The following CTSO variants were observed in gnomAD, a reference collection of about 807,000 sequenced individuals.
CTSO encodes cathepsin O.
Under a neutral mutation model 42.4 loss-of-function variants are expected in CTSO, and 40 were observed. The observed-to-expected ratio is 0.94, with a 90% confidence interval of 0.73 to 1.23. The LOEUF (loss-of-function observed/expected upper bound fraction) is 1.23. CTSO is among the 50% of genes most tolerant of loss of function. The pLI is 0.00. For synonymous variants in CTSO, 156 were observed against 146.2 expected (o/e 1.07, Z -0.48); for missense variants, 441 against 396.0 (o/e 1.11, Z -0.96).
At chr4:155,926,097 T>C in intron 7 of CTSO, 27 bp from the exon 8 acceptor site, 2 of 1,505,628 alleles carry the variant, frequency 1.3e-6, no homozygotes, top group Non-Finnish European at 1.8e-6. Flanking sequence ...GAATTATTAG[T>C]CTATTTCCTC....
intron 5 of CTSO, among the ~76,000 whole-genome samples, chr4:155,935,853 G>T (rs919623982): frequency 6.6e-6 from 1 of 152,164 alleles, no homozygotes; most frequent in Admixed American, 6.6e-5. Context: ...CACTGTTAGA[G>T]TTTAATCTTC....
intron 5 of CTSO, 56 bp downstream of exon 5, chr4:155,937,306 A>G (rs961278758): frequency 1.9e-4 from 276 of 1,421,016 alleles, no homozygotes; most frequent in Non-Finnish European, 2.6e-4. Flanking sequence ...TTAACCAGTC[A>G]ATAGATCATA....
chr4:155,945,265 A>C (rs767683943), intron 1 of CTSO, among the ~76,000 whole-genome samples: 37 of 152,050 alleles, frequency 2.4e-4, no homozygotes, highest in Admixed American at 5.2e-4. Flanking sequence ...TCAAAAAAAT[A>C]AATAAATAAA....
rs1348631778 is a variant in CTSO at position 155,928,446 on chromosome 4, T to C, written c.839-18A>G. 1.3e-6 allele frequency: 2 copies of C among 1,547,922 alleles called. No individual in the cohort carries two copies. Among genetic ancestry groups the C allele is most frequent in the East Asian group, 2.3e-5 (1 of 43,800 alleles). On this transcript the variant is annotated intron_variant, in intron 6 of 7. Transcript: ENST00000433477. ...AGTGCTTCCTACAGTGAAACATAAA[T>C]AGTAACAAATCCTGAAAACTCAAAT...
chr4:155,950,939 T>C (rs1283795612), intron 1 of CTSO, among the ~76,000 whole-genome samples: 1 of 149,174 alleles, frequency 6.7e-6, no homozygotes, highest in Non-Finnish European at 1.5e-5. Flanking sequence ...AGGTAGAAAA[T>C]AGGTTTTAAA....
rs1317799331 is a variant in CTSO, at chr4:155,925,346, C to T, written c.*690G>A. On this transcript the variant is annotated 3_prime_UTR_variant, in exon 8 of 8. Coordinates refer to ENST00000433477, the MANE Select transcript of CTSO (RefSeq NM_001334.3). Reference sequence around the variant, plus strand: ...CCTATTCACAATGAAAATTATCAAACAATAATTTGTCTCTCAGGCAATGCT... The same window carrying T: ...CCTATTCACAATGAAAATTATCAAATAATAATTTGTCTCTCAGGCAATGCT... 6.6e-6 allele frequency: 1 copy of T among 152,084 alleles called. No individual in the cohort carries two copies. The highest frequency in any genetic ancestry group is 1.5e-5 in the Non-Finnish European group (1 of 68,000). 9.4% of individuals were successfully genotyped at this position (152,084 alleles called of 1,614,324 possible). A position where few individuals can be genotyped will look rare whatever the true frequency, so the allele number is the denominator to read the frequency against.
At position 155,942,419 on chromosome 4, in the gene CTSO, T is replaced by G. The variant is rs139102003; in HGVS notation, c.282A>C (p.Arg94Ser). The G allele has an allele frequency of 6.4e-7, 1 of 1,565,944 alleles. No individual in the cohort carries two copies. The highest frequency in any genetic ancestry group is 1.9e-5 in the Admixed American group (1 of 53,688). The change falls in exon 3 of 8, where the codon AGA becomes AGC. Residue 94 changes from arginine to serine, a missense_variant. By Grantham distance (110) the Arg-to-Ser change is moderately radical (BLOSUM62 -1). Transcript: ENST00000433477. The part of the protein sequence containing the change: ...YLRSKPSKFP[R>S]YSAEVHMSIP... ...TGGACATATGTACTTCTGCTGAGTA[T>G]CTGGGAAACTTGGAAGGTTTGCTTC...
chr4:155,953,190 G>T (rs923926462), intron 1 of CTSO, among the ~76,000 whole-genome samples: 1 of 151,990 alleles, frequency 6.6e-6, no homozygotes, highest in African/African-American at 2.4e-5. Flanking sequence ...TTAGTTTAAG[G>T]AGAATCATAA....
chr4:155,948,993 A>G (rs1384205551), intron 1 of CTSO, among the ~76,000 whole-genome samples: 1 of 152,212 alleles, frequency 6.6e-6, no homozygotes, highest in Non-Finnish European at 1.5e-5. Context: ...CATGTACTCA[A>G]CTGTTTCTAA....
rs1743101365 is a variant in CTSO at position 155,924,780 on chromosome 4, C to T, written c.*1256G>A. On this transcript the variant is annotated 3_prime_UTR_variant, in exon 8 of 8. Coordinates refer to ENST00000433477, the MANE Select transcript of CTSO (RefSeq NM_001334.3). ...CAGGTCATGAGCAGCACACAGTGTC[C>T]TTTCTAGGCACATAGGATCATCGAT... is the stretch of plus-strand genomic sequence containing the variant. The T allele has an allele frequency of 6.6e-6, 1 of 152,148 alleles. No individual in the cohort carries two copies. Among genetic ancestry groups the T allele is most frequent in the South Asian group, 2.1e-4 (1 of 4,818 alleles). 9.4% of individuals were successfully genotyped at this position (152,148 alleles called of 1,614,324 possible). A position where few individuals can be genotyped will look rare whatever the true frequency, so the allele number is the denominator to read the frequency against.
chr4:155,937,560 A>G, intron 4 of CTSO, 77 bp from the exon 5 acceptor site: 3 of 1,393,798 alleles, frequency 2.2e-6, no homozygotes, highest in Admixed American at 1.9e-5. Context: ...CACTGTGTCA[A>G]AACAGGTTCA....
rs1743456024 is a variant in CTSO at position 155,942,390 on chromosome 4, G to A, written c.311C>T (p.Pro104Leu). Residue 104 changes from proline (P) to leucine (L), a missense_variant, in exon 3 of 8, where the codon CCC (proline) becomes CTC (leucine). By Grantham distance (98) the Pro-to-Leu change is moderately conservative. Transcript: ENST00000433477. ...RYSAEVHMSI[P>L]NVSLPLRFDW... The stretch of plus-strand genomic sequence containing the variant: ...AAATCTTAACGGCAAAGACACATTG[G>A]GGATGGACATATGTACTTCTGCTGA... 1.2e-6 allele frequency: 2 copies of A among 1,603,062 alleles called. No individual in the cohort carries two copies. Among genetic ancestry groups the A allele is most frequent in the East Asian group, 2.3e-5 (1 of 43,522 alleles).
At chr4:155,942,922 A>G (rs1341128993) in intron 2 of CTSO, among the ~76,000 whole-genome samples, 2 of 152,218 alleles carry the variant, frequency 1.3e-5, no homozygotes, top group African/African-American at 4.8e-5. Context: ...TATCCTTTAT[A>G]GCCACATGGA....
At chr4:155,940,333 A>T (rs746887918) in intron 3 of CTSO, among the ~76,000 whole-genome samples, 7 of 151,980 alleles carry the variant, frequency 4.6e-5, no homozygotes, top group Non-Finnish European at 8.8e-5. Context: ...GGCAGAAGAG[A>T]GTAGGATTTG....
chr4:155,928,292 C>T (rs772255676), intron 7 of CTSO, 44 bp downstream of exon 7: 2 of 1,376,308 alleles, frequency 1.5e-6, no homozygotes, highest in Non-Finnish European at 2.1e-6. Flanking sequence ...AAATAATCTC[C>T]TTAATATTTA....
intron 1 of CTSO, among the ~76,000 whole-genome samples, chr4:155,951,197 CA>C (rs1465912831): frequency 1.3e-5 from 2 of 152,088 alleles, no homozygotes; most frequent in African/African-American, 2.4e-5. Context: ...TGTACTTTGG[CA>C]TAGATATTAT....
At chr4:155,939,998 G>C (rs567443241) in intron 3 of CTSO, among the ~76,000 whole-genome samples, 2 of 152,122 alleles carry the variant, frequency 1.3e-5, no homozygotes, top group Non-Finnish European at 2.9e-5. Flanking sequence ...AGGGTGAGGA[G>C]GGGAAAGATG....
intron 1 of CTSO, among the ~76,000 whole-genome samples, chr4:155,952,174 A>G (rs1458259740): frequency 1.3e-5 from 2 of 152,196 alleles, no homozygotes; most frequent in Non-Finnish European, 2.9e-5. Context: ...AAAATGTACT[A>G]AGAGTCTTCA....
chr4:155,942,600 A>G, intron 2 of CTSO, 144 bp from the exon 3 acceptor site: 1 of 268,536 alleles, frequency 3.7e-6, no homozygotes, highest in Non-Finnish European at 6.3e-6. Context: ...AAGACAACCA[A>G]TATTATATTA....
Sources: allele counts gnomAD v4.1 joint callset (sites outside exome capture counted in the v4.1 genomes callset), GRCh38; gene constraint gnomAD v4.1.1; transcripts MANE v1.5; gene names NCBI Gene and HGNC (gene_info 2026-07-23, HGNC 2026-07-21).